LHFPL3: variants seen among roughly 807,000 people sequenced by gnomAD.
The protein encoded by LHFPL3 is LHFPL tetraspan subfamily member 3, also known as LHFPL tetraspan subfamily member 3 protein.
A neutral mutation model predicts 19.3 loss-of-function variants in LHFPL3; 5 were observed. The ratio of observed to expected loss-of-function variants is 0.26; its 90% CI spans 0.14 to 0.54. LHFPL3 has a LOEUF of 0.54. Among genes scored for constraint, LHFPL3 ranks in the 20% least tolerant of loss-of-function variants. The probability of loss-of-function intolerance (pLI) is 0.94; values close to 1 mark genes in which losing one functional copy is unlikely to be tolerated. For missense variants in LHFPL3, 249 were observed against 307.4 expected (o/e 0.81, Z 1.42); for synonymous variants, 133 against 126.2 (o/e 1.05, Z -0.36).
intron 2 of LHFPL3, among the ~76,000 whole-genome samples, chr7:104,896,399 C>T (rs1188436110): frequency 6.6e-6 from 1 of 152,212 alleles, no homozygotes; most frequent in Non-Finnish European, 1.5e-5. Flanking sequence ...CCAGTTACCA[C>T]TTGGATGGGT....
At chr7:104,865,856 A>G (rs1180792676) in intron 2 of LHFPL3, among the ~76,000 whole-genome samples, 2 of 152,238 alleles carry the variant, frequency 1.3e-5, no homozygotes, top group African/African-American at 4.8e-5. Context: ...AGGGAAGCCC[A>G]TCAGAATAAC....
intron 1 of LHFPL3, among the ~76,000 whole-genome samples, chr7:104,653,615 A>G (rs10271797): frequency 0.97 from 147,827 of 152,326 alleles, 71,865 homozygotes; most frequent in East Asian, 1. Context: ...AAAACAGGCT[A>G]CAGGTGGATT....
chr7:104,594,509 T>C (rs1247207052), intron 1 of LHFPL3, among the ~76,000 whole-genome samples: 1 of 152,194 alleles, frequency 6.6e-6, no homozygotes, highest in Non-Finnish European at 1.5e-5. Context: ...CTGACAATGA[T>C]GTGTCTTGAG....
chr7:104,466,604 G>T (rs1376695076), intron 1 of LHFPL3, among the ~76,000 whole-genome samples: 2 of 152,204 alleles, frequency 1.3e-5, no homozygotes, highest in African/African-American at 2.4e-5. Context: ...GCCTGGTTCA[G>T]CCACTCCTCT....
intron 2 of LHFPL3, among the ~76,000 whole-genome samples, chr7:104,871,682 G>T (rs745595795): frequency 2.0e-5 from 3 of 151,856 alleles, no homozygotes; most frequent in Non-Finnish European, 4.4e-5. Context: ...TTTTGAGGTG[G>T]AGTTTCACTT....
chr7:104,430,405 C>CGT (rs1554393164), intron 1 of LHFPL3, among the ~76,000 whole-genome samples: 1 of 22,456 alleles, frequency 4.5e-5, no homozygotes, highest in Non-Finnish European at 7.6e-5. Context: ...TATATATATA[C>CGT]ATATATATAT....
At chr7:104,471,103 A>G (rs1792899308) in intron 1 of LHFPL3, among the ~76,000 whole-genome samples, 1 of 152,056 alleles carries the variant, frequency 6.6e-6, no homozygotes. Context: ...TGATTTTTTC[A>G]TTTACCATAT....
chr7:104,821,160 A>T (rs745825382), intron 2 of LHFPL3, among the ~76,000 whole-genome samples: 1 of 152,236 alleles, frequency 6.6e-6, no homozygotes. Flanking sequence ...TTTTTTAATA[A>T]ATGTGACAGG....
intron 2 of LHFPL3, among the ~76,000 whole-genome samples, chr7:104,834,725 G>T (rs1791058448): frequency 6.6e-6 from 1 of 151,932 alleles, no homozygotes; most frequent in Non-Finnish European, 1.5e-5. Flanking sequence ...AATCCATTCA[G>T]CATGGCCCAT....
chr7:104,522,352 A>T (rs1308071411), intron 1 of LHFPL3, among the ~76,000 whole-genome samples: 1 of 132,196 alleles, frequency 7.6e-6, no homozygotes, highest in Non-Finnish European at 1.5e-5. Context: ...ACACATGGAC[A>T]TAGGAAGGGG....
Position 104,462,634 on chromosome 7 carries a change from G to C in LHFPL3, c.445+133410G>C, listed in dbSNP as rs906778578. Reference sequence around the variant, plus strand: ...GCTTTTTGATGTGCTGCTGGATTCAGTTTGCAAGTATTTTGTTGAGGACTT... The same window carrying C: ...GCTTTTTGATGTGCTGCTGGATTCACTTTGCAAGTATTTTGTTGAGGACTT... On this transcript the variant is annotated intron_variant, in intron 1 of 2. Coordinates refer to ENST00000424859, the MANE Select transcript of LHFPL3 (RefSeq NM_199000.3). Among the ~76,000 whole-genome samples, 9 of 152,226 alleles carry C rather than the reference G, an allele frequency of 5.9e-5. 1 individual carries two copies. Among genetic ancestry groups the C allele is most frequent in the Non-Finnish European group, 1.5e-5 (1 of 68,056 alleles).
chr7:104,839,681 A>AG (rs562837390), intron 2 of LHFPL3, among the ~76,000 whole-genome samples: 63 of 141,006 alleles, frequency 4.5e-4, no homozygotes, highest in African/African-American at 1.6e-3. Context: ...AAAAAGAAAA[A>AG]AAAGAAAGAA....
chr7:104,472,304 G>T (rs1792927127), intron 1 of LHFPL3, among the ~76,000 whole-genome samples: 1 of 152,078 alleles, frequency 6.6e-6, no homozygotes, highest in South Asian at 2.1e-4. Flanking sequence ...TTGATAGGTG[G>T]AGAGAAGCTG....
intron 1 of LHFPL3, among the ~76,000 whole-genome samples, chr7:104,396,538 G>A (rs1791187992): frequency 1.3e-5 from 2 of 151,220 alleles, no homozygotes; most frequent in South Asian, 2.1e-4. Flanking sequence ...TATTGAAGGT[G>A]CATCAGGTTC....
chr7:104,811,139 C>T (rs1239413972), intron 2 of LHFPL3, among the ~76,000 whole-genome samples: 1 of 88,786 alleles, frequency 1.1e-5, no homozygotes, highest in Non-Finnish European at 2.3e-5. Flanking sequence ...CTCTTTCCTT[C>T]CTTTCTTTCT....
chr7:104,479,486 G>A (rs1363368407), intron 1 of LHFPL3, among the ~76,000 whole-genome samples: 1 of 151,854 alleles, frequency 6.6e-6, no homozygotes, highest in Non-Finnish European at 1.5e-5. Context: ...CCGCCTCCCA[G>A]ATTCAAGCGA....
At chr7:104,810,019 A>G (rs1790435701) in intron 2 of LHFPL3, among the ~76,000 whole-genome samples, 1 of 152,246 alleles carries the variant, frequency 6.6e-6, no homozygotes, top group Admixed American at 6.5e-5. Context: ...GGGTTATGCA[A>G]AGCTTCTTGG....
intron 1 of LHFPL3, among the ~76,000 whole-genome samples, chr7:104,516,522 TG>T (rs1793924787): frequency 6.6e-6 from 1 of 152,192 alleles, no homozygotes; most frequent in South Asian, 2.1e-4. Flanking sequence ...TTAATTTGAT[TG>T]GTTGATTTAA....
chr7:104,430,454 ATTTTTTTTTTTTTT>A (rs1172420054), intron 1 of LHFPL3, among the ~76,000 whole-genome samples: 45 of 15,232 alleles, frequency 3.0e-3, no homozygotes, highest in African/African-American at 7.8e-3. Flanking sequence ...ATATATATAT[ATTTTTTTTTTTTTT>A]TTTTTTTTTT....
Sources: gnomAD v4.1 joint callset for allele counts (sites outside exome capture counted in the v4.1 genomes callset) on GRCh38, gnomAD v4.1.1 for gene constraint, MANE v1.5 for transcripts, NCBI Gene and HGNC (gene_info 2026-07-23, HGNC 2026-07-21) for gene names.